FADS2: variants seen among roughly 807,000 people sequenced by gnomAD.
The protein encoded by FADS2 is fatty acid desaturase 2, also known as acyl-CoA 6-desaturase.
FADS2 carries 18 observed loss-of-function variants against 61.2 expected under a neutral mutation model. The ratio of observed to expected loss-of-function variants is 0.29; its 90% confidence interval spans 0.20 to 0.44. The LOEUF (loss-of-function observed/expected upper bound fraction) is 0.44. Among genes scored for constraint, FADS2 ranks in the 20% least tolerant of loss-of-function variants. The pLI, the probability that FADS2 is intolerant of heterozygous loss-of-function variation, is 1.00. For missense variants in FADS2, 322 were observed against 572.7 expected, an observed-to-expected ratio of 0.56 and a Z score of 4.47; for synonymous variants, 203 against 223.9, an observed-to-expected ratio of 0.91 and a Z score of 0.83.
chr11:61,861,239 AG>A (rs2067411477), intron 7 of FADS2, among the ~76,000 whole-genome samples: 1 of 150,140 alleles, frequency 6.7e-6, no homozygotes, highest in African/African-American at 2.5e-5. Context: ...CTGTAGACCC[AG>A]CTACTTGGGA....
In FADS2 at chr11:61,816,941, C is replaced by T. The variant is rs1164598875; in HGVS notation, c.141+515C>T. ...GCGCGCGTTCCCATTGGCCGAGCCT[C>T]GTGGCGCGGGGAGCGAGATCCCGTC... is the stretch of plus-strand genomic sequence containing the variant. On this transcript the variant is annotated intron_variant, in intron 1 of 11. Coordinates refer to the FADS2 transcript ENST00000257261. The surrounding 1 kb of genome is among the most constrained non-coding windows in gnomAD (Gnocchi z 7.0). 4 of 1,378,344 alleles carry T rather than the reference C, an allele frequency of 2.9e-6. No individual in the cohort carries two copies. Among genetic ancestry groups the T allele is most frequent in the East Asian group, 6.1e-5 (2 of 32,812 alleles). 85.4% of individuals were successfully genotyped at this position (1,378,344 alleles called of 1,614,324 possible). A position where few individuals can be genotyped will look rare whatever the true frequency, so the allele number is the denominator to read the frequency against.
intron 1 of FADS2, among the ~76,000 whole-genome samples, chr11:61,832,003 C>A (rs1324460638): frequency 6.6e-6 from 1 of 152,204 alleles, no homozygotes; most frequent in Non-Finnish European, 1.5e-5. Flanking sequence ...TGGCTCTGAG[C>A]TGGGCCCAGA....
Position 61,865,568 on chromosome 11 carries a change from C to G in FADS2, c.1284-70C>G. Reference sequence around the variant, plus strand: ...TACATGCCACCTTAATGATGGCCTCCTCAGCCCTTGCACTCCCTGGGGCCA... The same window carrying G: ...TACATGCCACCTTAATGATGGCCTCGTCAGCCCTTGCACTCCCTGGGGCCA... On this transcript the variant is annotated intron_variant, in intron 11 of 11. Transcript: ENST00000278840. The surrounding 1 kb of genome is among the most constrained non-coding windows in gnomAD (Gnocchi z 4.1). 7.0e-7 allele frequency: 1 copy of G among 1,425,592 alleles called. No homozygotes were observed. The highest frequency in any genetic ancestry group is 1.2e-5 in the South Asian group (1 of 84,302). 88.3% of individuals were successfully genotyped at this position (1,425,592 alleles called of 1,614,324 possible).
At chr11:61,861,699 C>T (rs1054580117) in intron 7 of FADS2, among the ~76,000 whole-genome samples, 3 of 152,244 alleles carry the variant, frequency 2.0e-5, no homozygotes, top group African/African-American at 7.2e-5. Flanking sequence ...TCTCCAGCCT[C>T]TCCTGAGCGC....
rs1243665690 is a variant in FADS2 at position 61,816,351 on chromosome 11, C to G, written c.66C>G (p.Pro22=). 6.3e-7 allele frequency: 1 copy of G among 1,598,438 alleles called. No individual in the cohort carries two copies. The highest frequency in any genetic ancestry group is 1.7e-5 in the Admixed American group (1 of 60,018). The change falls in exon 1 of 12, where the codon CCC becomes CCG. Residue 22 remains proline, a synonymous_variant. Coordinates refer to the FADS2 transcript ENST00000257261. This position sits in a 1 kb window ranked among gnomAD's most constrained non-coding sequence, Gnocchi z 7.0. ...TGTTGTTGGCCTCCATCCCCACTCC[C>G]CAGACTCCACTTCTCCAGGCCTCTC...
chr11:61,834,744 T>C (rs2135957289), intron 1 of FADS2, among the ~76,000 whole-genome samples: 1 of 152,188 alleles, frequency 6.6e-6, no homozygotes, highest in African/African-American at 2.4e-5. Context: ...GGACTTCCTG[T>C]TCATTTCTCA....
chr11:61,840,788 A>G, intron 4 of FADS2, 63 bp downstream of exon 4: 2 of 1,246,658 alleles, frequency 1.6e-6, no homozygotes, highest in Non-Finnish European at 2.4e-6. Flanking sequence ...AGGGACCAGG[A>G]TTCCTCTCTG....
chr11:61,830,204 C>G (rs979257790), intron 1 of FADS2, among the ~76,000 whole-genome samples: 1 of 152,186 alleles, frequency 6.6e-6, no homozygotes, highest in South Asian at 2.1e-4. Flanking sequence ...TTGGGCTGGT[C>G]TGTTTCTGAT....
chr11:61,828,188 T>A, upstream of FADS2: 1 of 1,414,990 alleles, frequency 7.1e-7, no homozygotes, highest in South Asian at 1.5e-5. The surrounding 1 kb of genome is among the most constrained non-coding windows in gnomAD (Gnocchi z 6.4). Flanking sequence ...AAGCCAGGGA[T>A]CCTCCGCCAG....
chr11:61,817,093 G>T, intron 1 of FADS2: 1 of 764,268 alleles, frequency 1.3e-6, no homozygotes, highest in Non-Finnish European at 1.9e-6. Context: ...TGGCTCCCAG[G>T]GGGCGCCGCG....
At chr11:61,853,838 C>G (rs1249685847) in intron 5 of FADS2, among the ~76,000 whole-genome samples, 1 of 152,160 alleles carries the variant, frequency 6.6e-6, no homozygotes, top group Non-Finnish European at 1.5e-5. Flanking sequence ...TTTGCGACAG[C>G]TCCCCTCCCC....
Position 61,866,138 on chromosome 11 carries a change from C to T in FADS2, c.*449C>T, listed in dbSNP as rs576160625. 3.5e-5 allele frequency: 14 copies of T among 399,424 alleles called. No individual in the cohort carries two copies. The South Asian group carries it at 1.5e-3, about 44-fold the overall frequency. 24.7% of individuals were successfully genotyped at this position (399,424 alleles called of 1,614,324 possible). A position where few individuals can be genotyped will look rare whatever the true frequency, so the allele number is the denominator to read the frequency against. On this transcript the variant is annotated 3_prime_UTR_variant, in exon 12 of 12. Transcript: ENST00000278840. ...TTCATAGGGGCAGGTCCTAGTCGGG[C>T]AGGGCCCCTGACCCTCCCGGCCTGG... is the stretch of plus-strand genomic sequence containing the variant.
chr11:61,827,695 C>G (rs906866867), upstream of FADS2: 4 of 152,270 alleles, frequency 2.6e-5, no homozygotes, highest in African/African-American at 9.6e-5. The surrounding 1 kb of genome is among the most constrained non-coding windows in gnomAD (Gnocchi z 4.5). Context: ...GGCTTTGTGT[C>G]GGCATCAGGT....
intron 7 of FADS2, 196 bp from the exon 8 acceptor site, chr11:61,862,776 C>T: frequency 1.7e-6 from 1 of 600,910 alleles, no homozygotes; most frequent in South Asian, 2.0e-5. Context: ...CTAAAACACT[C>T]AGCATTTCCC....
Position 61,828,305 on chromosome 11 carries a change from A to C in FADS2, c.-86A>C. 6.6e-7 allele frequency: 1 copy of C among 1,515,314 alleles called. No individual in the cohort carries two copies. Among genetic ancestry groups the C allele is most frequent in the Non-Finnish European group, 8.8e-7 (1 of 1,132,404 alleles). 93.9% of individuals were successfully genotyped at this position (1,515,314 alleles called of 1,614,324 possible). A position where few individuals can be genotyped will look rare whatever the true frequency, so the allele number is the denominator to read the frequency against. On this transcript the variant is annotated 5_prime_UTR_variant, in exon 1 of 12. Transcript: ENST00000278840. The surrounding 1 kb of genome is among the most constrained non-coding windows in gnomAD (Gnocchi z 6.4). ...AAAGCGAAGAGGGCCCGGGCTGCAC[A>C]CACCGGCTGGGAGGCAGCCGTCTGT...
At chr11:61,833,380 G>C (rs1029359428) in intron 1 of FADS2, among the ~76,000 whole-genome samples, 6 of 152,208 alleles carry the variant, frequency 3.9e-5, no homozygotes, top group Non-Finnish European at 7.3e-5. Context: ...CCCGGCAGGT[G>C]CTGGAAACCT....
At position 61,866,024 on chromosome 11, in the gene FADS2, A is replaced by C; in HGVS notation, c.*335A>C. Reference sequence around the variant, plus strand: ...CTGCCCCTAAAGATGGGAGGAGACCAGCGGTCCATGGGTCTGGCCTGTGAG... The same window carrying C: ...CTGCCCCTAAAGATGGGAGGAGACCCGCGGTCCATGGGTCTGGCCTGTGAG... On this transcript the variant is annotated 3_prime_UTR_variant, in exon 12 of 12. Coordinates refer to ENST00000278840, the MANE Select transcript of FADS2 (RefSeq NM_004265.4). 2.2e-6 allele frequency: 1 copy of C among 461,136 alleles called. No individual in the cohort carries two copies. The highest frequency in any genetic ancestry group is 3.8e-6 in the Non-Finnish European group (1 of 260,132). The allele number at this position is 461,136 out of a possible 1,614,324, so 28.6% of individuals were successfully genotyped here. A position where few individuals can be genotyped will look rare whatever the true frequency, so the allele number is the denominator to read the frequency against.
rs371541226 is a variant in FADS2 at position 61,865,321 on chromosome 11, G to A, written c.1283+44G>A. Reference sequence around the variant, plus strand: ...CAGGCGCTGGGCCCTGGGATCACCCGTGGTGCAGACAGTGGGATCACAAGA... The same window carrying A: ...CAGGCGCTGGGCCCTGGGATCACCCATGGTGCAGACAGTGGGATCACAAGA... On this transcript the variant is annotated intron_variant, in intron 11 of 11. Coordinates refer to ENST00000278840, the MANE Select transcript of FADS2 (RefSeq NM_004265.4). This position sits in a 1 kb window ranked among gnomAD's most constrained non-coding sequence, Gnocchi z 4.1. 3.1e-5 allele frequency: 49 copies of A among 1,604,290 alleles called. No individual in the cohort carries two copies. Among genetic ancestry groups the A allele is most frequent in the African/African-American group, 1.5e-4 (11 of 74,740 alleles).
chr11:61,860,516 C>T (rs1452499722), intron 7 of FADS2, among the ~76,000 whole-genome samples: 2 of 152,250 alleles, frequency 1.3e-5, no homozygotes, highest in Non-Finnish European at 2.9e-5. Context: ...CCCACCTCTG[C>T]TGGCTTCTTC....
Sources: gnomAD v4.1 joint callset for allele counts (sites outside exome capture counted in the v4.1 genomes callset) on GRCh38, gnomAD v4.1.1 for gene constraint, Gnocchi (gnomAD v3.1) non-coding constraint, MANE v1.5 for transcripts, NCBI Gene and HGNC (gene_info 2026-07-23, HGNC 2026-07-21) for gene names.